The following RANBP2 variants were observed in gnomAD, a reference collection of about 807,000 sequenced individuals.
The protein encoded by RANBP2 is RAN binding protein 2, also known as E3 SUMO-protein ligase RanBP2.
Under a neutral mutation model 303.6 loss-of-function variants are expected in RANBP2, and 57 were observed. The ratio of observed to expected loss-of-function variants is 0.19; its 90% CI spans 0.15 to 0.23. The LOEUF is 0.23. RANBP2 is among the 10% of genes least tolerant of loss of function. The pLI, the probability that RANBP2 is intolerant of heterozygous loss-of-function variation, is 1.00. For synonymous variants in RANBP2, 1,167 were observed against 1,301.5 expected (o/e 0.90, Z 2.23); for missense variants, 3,138 against 3,780.8 (o/e 0.83, Z 4.46).
the RANBP2 span, among the ~76,000 whole-genome samples, chr2:109,652,671 C>A: frequency 6.6e-6 from 1 of 152,152 alleles, no homozygotes. Flanking sequence ...TTCATGGAGG[C>A]AACTTGAGTT....
the RANBP2 span, among the ~76,000 whole-genome samples, chr2:109,403,944 G>T: frequency 6.6e-6 from 1 of 152,202 alleles, no homozygotes; most frequent in Admixed American, 6.5e-5. Context: ...CTCCTTGGTA[G>T]GTGTACCTTG....
At chr2:109,767,293 C>T in the RANBP2 span, among the ~76,000 whole-genome samples, 5 of 149,786 alleles carry the variant, frequency 3.3e-5, no homozygotes, top group East Asian at 8.2e-4. Context: ...GACCCTGGGA[C>T]GGTTTTGAGT....
At chr2:109,467,774 T>A in the RANBP2 span, among the ~76,000 whole-genome samples, 1 of 152,240 alleles carries the variant, frequency 6.6e-6, no homozygotes, top group Non-Finnish European at 1.5e-5. Context: ...ACCTTTTGCC[T>A]GATCTGACCG....
intron 6 of RANBP2, among the ~76,000 whole-genome samples, chr2:108,736,697 TAACTC>T (rs1401765396): frequency 1.2e-4 from 19 of 152,308 alleles, no homozygotes; most frequent in African/African-American, 3.8e-4. Flanking sequence ...AGAAACAAAA[TAACTC>T]AACTATGTGA....
At chr2:108,997,018 G>A in the RANBP2 span, among the ~76,000 whole-genome samples, 8 of 152,206 alleles carry the variant, frequency 5.3e-5, no homozygotes, top group Non-Finnish European at 1.0e-4. Context: ...GGTGGGGAGT[G>A]CAGTGTTTTT....
the RANBP2 span, among the ~76,000 whole-genome samples, chr2:109,393,293 G>A: frequency 2.0e-5 from 3 of 152,226 alleles, no homozygotes; most frequent in Non-Finnish European, 4.4e-5. Context: ...CAGGGAGGGT[G>A]CTGCCATTGG....
At chr2:109,245,887 AAC>A in the RANBP2 span, among the ~76,000 whole-genome samples, 1 of 152,220 alleles carries the variant, frequency 6.6e-6, no homozygotes, top group African/African-American at 2.4e-5. Context: ...TAGAGTACTT[AAC>A]ACAATCCCGG....
chr2:108,907,994 C>G, the RANBP2 span: 1 of 1,610,598 alleles, frequency 6.2e-7, no homozygotes, highest in Non-Finnish European at 8.5e-7. Flanking sequence ...AGCAGCTGCT[C>G]ATTCTCGGAT....
chr2:109,234,545 A>G, the RANBP2 span, among the ~76,000 whole-genome samples: 2 of 152,264 alleles, frequency 1.3e-5, no homozygotes, highest in Non-Finnish European at 2.9e-5. Flanking sequence ...TGGTCAGGAT[A>G]GGCTCTGTTG....
the RANBP2 span, chr2:109,503,139 G>A: frequency 5.3e-5 from 8 of 152,134 alleles, no homozygotes; most frequent in African/African-American, 1.9e-4. Context: ...GGACAATTTT[G>A]TTCTCAAGAT....
At chr2:109,725,070 G>A in the RANBP2 span, among the ~76,000 whole-genome samples, 1 of 152,202 alleles carries the variant, frequency 6.6e-6, no homozygotes, top group South Asian at 2.1e-4. Context: ...ACTACTTGCT[G>A]AGTGGCCACC....
the RANBP2 span, among the ~76,000 whole-genome samples, chr2:108,865,305 G>A: frequency 8.5e-4 from 130 of 152,206 alleles, 2 homozygotes; most frequent in Middle Eastern, 3.4e-3. Flanking sequence ...GTGAATAACC[G>A]TATACAAAAC....
the RANBP2 span, among the ~76,000 whole-genome samples, chr2:109,150,706 G>A: frequency 6.6e-6 from 1 of 152,112 alleles, no homozygotes; most frequent in Non-Finnish European, 1.5e-5. Flanking sequence ...TTGGTGCGAT[G>A]AGCCTCATTT....
At chr2:109,455,716 A>G in the RANBP2 span, among the ~76,000 whole-genome samples, 1 of 152,224 alleles carries the variant, frequency 6.6e-6, no homozygotes. Context: ...TGCAATAGGT[A>G]GACCCTTACT....
the RANBP2 span, among the ~76,000 whole-genome samples, chr2:109,511,534 C>A: frequency 6.6e-6 from 1 of 152,194 alleles, no homozygotes; most frequent in African/African-American, 2.4e-5. Context: ...GTGCCTGGAC[C>A]ACATGGCAAT....
chr2:108,736,026 G>A (rs2149130315), intron 5 of RANBP2, 78 bp from the exon 6 acceptor site: 2 of 1,610,696 alleles, frequency 1.2e-6, no homozygotes, highest in South Asian at 1.1e-5. Flanking sequence ...AGTGAGAAAA[G>A]GAATTTGTAG....
At chr2:109,388,291 G>C in the RANBP2 span, among the ~76,000 whole-genome samples, 1 of 152,204 alleles carries the variant, frequency 6.6e-6, no homozygotes, top group African/African-American at 2.4e-5. Flanking sequence ...TCACTGATGA[G>C]TTAGTTGCAG....
chr2:109,104,522 C>G, the RANBP2 span, among the ~76,000 whole-genome samples: 1 of 148,928 alleles, frequency 6.7e-6, no homozygotes, highest in African/African-American at 2.5e-5. Flanking sequence ...CTCGCTCTGT[C>G]GCCCAGGCTG....
At chr2:109,572,071 A>G in the RANBP2 span, among the ~76,000 whole-genome samples, 1 of 152,218 alleles carries the variant, frequency 6.6e-6, no homozygotes, top group Non-Finnish European at 1.5e-5. Context: ...ATGCTTCGTA[A>G]TATTCATCTC....
Sources: allele counts gnomAD v4.1 joint callset (sites outside exome capture counted in the v4.1 genomes callset), GRCh38; gene constraint gnomAD v4.1.1; transcripts MANE v1.5; gene names NCBI Gene and HGNC (gene_info 2026-07-23, HGNC 2026-07-21).